XKR4: variants seen among roughly 807,000 people sequenced by gnomAD.
The protein encoded by XKR4 is XK-related protein 4.
A neutral mutation model predicts 53.9 loss-of-function variants in XKR4; 12 were observed. That is an observed-to-expected ratio of 0.22 (90% CI 0.14 to 0.36). The LOEUF is 0.36. Among genes scored for constraint, XKR4 ranks in the 10% least tolerant of loss-of-function variants. The pLI is 1.00. For missense variants in XKR4, 799 were observed against 859.5 expected, an observed-to-expected ratio of 0.93 and a Z score of 0.88; for synonymous variants, 354 against 362.4, an observed-to-expected ratio of 0.98 and a Z score of 0.26.
chr8:55,490,033 A>G (rs1447930359), intron 2 of XKR4, among the ~76,000 whole-genome samples: 1 of 152,166 alleles, frequency 6.6e-6, no homozygotes, highest in Non-Finnish European at 1.5e-5. Context: ...ACATAAATTG[A>G]AAGTTTGGAG....
rs761779642 is a variant in XKR4, at chr8:55,112,562, GTTTTTTTTT to G, written c.806+9286_806+9294del. ...TGGGGCTGAATTCTTTACTTTTCAGGTTTTTTTTTTTTTTTTTTTTTTTTTTAGGGAGCA... is the reference window on the plus strand; with the variant it reads ...TGGGGCTGAATTCTTTACTTTTCAGGTTTTTTTTTTTTTTTTTAGGGAGCA... On this transcript the variant is annotated intron_variant, in intron 1 of 2. Coordinates refer to ENST00000327381, the MANE Select transcript of XKR4 (RefSeq NM_052898.2). 1.2e-4 allele frequency among the ~76,000 whole-genome samples: 9 copies of G among 77,216 alleles called. No homozygotes were observed. The South Asian group carries it at 2.0e-3, about 17-fold the overall frequency. The allele number at this position is 77,216 out of a possible 152,430, so 50.7% of individuals were successfully genotyped here.
At chr8:55,491,243 A>C (rs1806268745) in intron 2 of XKR4, among the ~76,000 whole-genome samples, 1 of 152,166 alleles carries the variant, frequency 6.6e-6, no homozygotes, top group Non-Finnish European at 1.5e-5. Flanking sequence ...GAGCACATTT[A>C]TAATAGCAGT....
At chr8:55,243,212 T>G (rs981257315) in intron 1 of XKR4, among the ~76,000 whole-genome samples, 2 of 152,216 alleles carry the variant, frequency 1.3e-5, no homozygotes, top group Non-Finnish European at 2.9e-5. Context: ...GTCCATAGTT[T>G]ACCTTAGGTT....
intron 2 of XKR4, among the ~76,000 whole-genome samples, chr8:55,497,449 A>G (rs1257098154): frequency 6.6e-6 from 1 of 152,196 alleles, no homozygotes; most frequent in Non-Finnish European, 1.5e-5. Context: ...AATGTTTATT[A>G]TATGTGTCTG....
intron 1 of XKR4, among the ~76,000 whole-genome samples, chr8:55,308,704 G>A (rs924066581): frequency 1.3e-5 from 2 of 152,140 alleles, no homozygotes; most frequent in Non-Finnish European, 2.9e-5. Context: ...TCCTGTACCT[G>A]AATGTTCATA....
At chr8:55,169,520 G>A (rs112477680) in intron 1 of XKR4, among the ~76,000 whole-genome samples, 2 of 152,324 alleles carry the variant, frequency 1.3e-5, no homozygotes, top group African/African-American at 2.4e-5. Flanking sequence ...CATAATGCCA[G>A]GTGGGCAAGG....
chr8:55,103,851 GTATATATATATATA>G (rs60831330), intron 1 of XKR4, among the ~76,000 whole-genome samples: 3,834 of 106,016 alleles, frequency 0.036, 220 homozygotes, highest in African/African-American at 0.12. Flanking sequence ...AAATGACTTT[GTATATATATATATA>G]TATATATATA....
At chr8:55,384,533 T>C (rs1028376122) in intron 2 of XKR4, among the ~76,000 whole-genome samples, 2 of 152,168 alleles carry the variant, frequency 1.3e-5, no homozygotes, top group Non-Finnish European at 2.9e-5. Flanking sequence ...AAACGTTAGA[T>C]TGAGAAATGG....
At chr8:55,347,508 G>C (rs1249078671) in intron 1 of XKR4, among the ~76,000 whole-genome samples, 1 of 152,182 alleles carries the variant, frequency 6.6e-6, no homozygotes, top group Non-Finnish European at 1.5e-5. Flanking sequence ...AGAATTCTTG[G>C]TGACCTTTGT....
At chr8:55,278,116 C>G (rs1330663599) in intron 1 of XKR4, among the ~76,000 whole-genome samples, 2 of 152,102 alleles carry the variant, frequency 1.3e-5, no homozygotes, top group African/African-American at 4.8e-5. Context: ...GGGTGCATCA[C>G]TTGAGTCCAG....
chr8:55,362,406 C>T (rs921427192), intron 2 of XKR4, among the ~76,000 whole-genome samples: 6 of 152,048 alleles, frequency 3.9e-5, no homozygotes. Context: ...CAAAAGAGAC[C>T]GAAGCTTGAG....
intron 1 of XKR4, among the ~76,000 whole-genome samples, chr8:55,234,913 C>T (rs895977431): frequency 3.9e-5 from 6 of 152,142 alleles, no homozygotes; most frequent in Non-Finnish European, 8.8e-5. Context: ...CTTGGCCCTG[C>T]CTTTAATACC....
intron 2 of XKR4, among the ~76,000 whole-genome samples, chr8:55,376,838 A>G (rs1804158086): frequency 1.3e-5 from 2 of 151,730 alleles, no homozygotes; most frequent in South Asian, 4.2e-4. Context: ...GAGTCATCAA[A>G]AGTCATTATA....
intron 1 of XKR4, among the ~76,000 whole-genome samples, chr8:55,168,355 G>A (rs1296475864): frequency 6.6e-6 from 1 of 152,168 alleles, no homozygotes; most frequent in East Asian, 1.9e-4. Flanking sequence ...AGCAGGAGAT[G>A]AGTGAATCCA....
rs1024912560 is a variant in XKR4, at chr8:55,107,129, C to T, written c.806+3835C>T. Among the ~76,000 whole-genome samples the T allele has an allele frequency of 3.3e-5, 5 of 152,208 alleles. No homozygotes were observed. In the East Asian group the frequency reaches 9.6e-4, roughly 29 times the overall value. On this transcript the variant is annotated intron_variant, in intron 1 of 2. Coordinates refer to ENST00000327381, the MANE Select transcript of XKR4 (RefSeq NM_052898.2). ...ACAAAAATAATAACAATTTTATTGG[C>T]ACTTTAAAAATATACAAATGTTTTT...
chr8:55,364,233 A>C (rs1351679577), intron 2 of XKR4, among the ~76,000 whole-genome samples: 1 of 152,158 alleles, frequency 6.6e-6, no homozygotes, highest in Admixed American at 6.5e-5. Context: ...ATGGTACTGG[A>C]AGGAGCAGGA....
At chr8:55,149,205 C>A (rs546403663) in intron 1 of XKR4, among the ~76,000 whole-genome samples, 3 of 152,186 alleles carry the variant, frequency 2.0e-5, no homozygotes, top group Non-Finnish European at 4.4e-5. Flanking sequence ...TTCTTTATAA[C>A]TTGCTAGACC....
In XKR4 at chr8:55,102,692, C is replaced by T. The variant is rs1816064589; in HGVS notation, c.204C>T (p.Cys68=). The T allele has an allele frequency of 1.7e-6, 2 of 1,181,076 alleles. No homozygotes were observed. The highest frequency in any genetic ancestry group is 2.1e-6 in the Non-Finnish European group (2 of 949,616). The allele number at this position is 1,181,076 out of a possible 1,614,324, so 73.2% of individuals were successfully genotyped here. A position where few individuals can be genotyped will look rare whatever the true frequency, so the allele number is the denominator to read the frequency against. The change falls in exon 1 of 3, where the codon TGC becomes TGT. Residue 68 remains cysteine (C), a synonymous_variant. Coordinates refer to ENST00000327381, the MANE Select transcript of XKR4 (RefSeq NM_052898.2). The surrounding 1 kb of genome is among the most constrained non-coding windows in gnomAD (Gnocchi z 5.1). ...GCTGCTCGCGCTGCTGCTGCTGCTG[C>T]GCCGGGAGTGGCGGCTCCGCGGGCT... ...GGGCSRCCCC[C]AGSGGSAGSG...
At chr8:55,227,384 T>G (rs2129366337) in intron 1 of XKR4, among the ~76,000 whole-genome samples, 1 of 152,336 alleles carries the variant, frequency 6.6e-6, no homozygotes, top group East Asian at 1.9e-4. Context: ...GGCCCAAGAC[T>G]GAGGGTGGTA....
Sources: allele counts gnomAD v4.1 joint callset (sites outside exome capture counted in the v4.1 genomes callset), GRCh38; gene constraint gnomAD v4.1.1; non-coding constraint Gnocchi (gnomAD v3.1); transcripts MANE v1.5; gene names NCBI Gene and HGNC (gene_info 2026-07-23, HGNC 2026-07-21).